The following PTAFR variants were observed in gnomAD, a reference collection of about 807,000 sequenced individuals.
PTAFR encodes the protein platelet activating factor receptor.
A neutral mutation model predicts 14.7 loss-of-function variants in PTAFR; 8 were observed. The ratio of observed to expected loss-of-function variants is 0.54; its 90% CI spans 0.32 to 0.98. PTAFR has a LOEUF of 0.98. Among genes scored for constraint, PTAFR ranks in the 50% least tolerant of loss-of-function variants. PTAFR has a pLI of 0.04. For missense variants in PTAFR, 337 were observed against 451.2 expected (o/e 0.75, Z 2.29); for synonymous variants, 156 against 176.5 (o/e 0.88, Z 0.92).
At chr1:28,157,920 A>G (rs1015460006) in intron 1 of PTAFR, among the ~76,000 whole-genome samples, 3 of 152,016 alleles carry the variant, frequency 2.0e-5, no homozygotes, top group African/African-American at 7.2e-5. Context: ...ATTAGCCACC[A>G]CGCCTGGCAA....
In PTAFR at chr1:28,165,107, A is replaced by T. The variant is rs143153020; in HGVS notation, c.-39+11485T>A. ...ATTCAAAAAAAATAACATACTTAGA[A>T]ATAAACTTAACCAGCCAGGCACGAT... On this transcript the variant is annotated intron_variant, in intron 1 of 1. Coordinates refer to ENST00000373857, the MANE Select transcript of PTAFR (RefSeq NM_000952.5). Among the ~76,000 whole-genome samples, 111 of 152,296 alleles carry T rather than the reference A, an allele frequency of 7.3e-4. No individual in the cohort carries two copies. The Middle Eastern group carries it at 0.017, about 23-fold the overall frequency.
chr1:28,170,638 A>T (rs2149001239), intron 1 of PTAFR, among the ~76,000 whole-genome samples: 1 of 152,232 alleles, frequency 6.6e-6, no homozygotes, highest in South Asian at 2.1e-4. Context: ...ACTTGGGTCC[A>T]TTACAGTAAG....
At chr1:28,180,849 G>A (rs966686567), upstream of PTAFR, among the ~76,000 whole-genome samples, 1 of 151,726 alleles carries the variant, frequency 6.6e-6, no homozygotes, top group Non-Finnish European at 1.5e-5. Flanking sequence ...TAAAGAAAAA[G>A]AGAAGAAATA....
chr1:28,150,583 C>A lies in PTAFR; in HGVS notation c.439G>T (p.Gly147Ter). 6.2e-7 allele frequency: 1 copy of A among 1,614,180 alleles called. No individual in the cohort carries two copies. The highest frequency in any genetic ancestry group is 8.5e-7 in the Non-Finnish European group (1 of 1,180,032). Residue 147 changes from glycine to a stop codon, truncating the protein, a stop_gained, in exon 2 of 2, where the codon GGA becomes TGA. Transcript: ENST00000373857. LOFTEE classifies it high-confidence loss of function. This position sits in a 1 kb window ranked among gnomAD's most constrained non-coding sequence, Gnocchi z 6.3. ...LSLVIWVAIV[G>*]AASYFLILDS... ...AGGATGAGGAAGTAGGATGCAGCTC[C>A]CACAATGGCCACCCAGATGACCAAG...
At chr1:28,192,869 A>G (rs1646665375) in intron 1 of PTAFR, among the ~76,000 whole-genome samples, 1 of 151,830 alleles carries the variant, frequency 6.6e-6, no homozygotes, top group African/African-American at 2.4e-5. Context: ...CTGGTCTCGA[A>G]CTCCCGACCT....
At position 28,171,816 on chromosome 1, in the gene PTAFR, T is replaced by G. The variant is rs566463107; in HGVS notation, c.-39+4776A>C. On this transcript the variant is annotated intron_variant, in intron 1 of 1. Coordinates refer to ENST00000373857, the MANE Select transcript of PTAFR (RefSeq NM_000952.5). ...TGAGGAGACTCAGCCTCTGCTCAGT[T>G]GGCCTAGGAAACCCCAAGTCTGGCC... Among the ~76,000 whole-genome samples, 6 of 152,188 alleles carry G rather than the reference T, an allele frequency of 3.9e-5. No homozygotes were observed. In the East Asian group the frequency reaches 1.2e-3, roughly 29 times the overall value.
At chr1:28,176,780 A>T (rs1384560060), upstream of PTAFR, 5 of 153,044 alleles carry the variant, frequency 3.3e-5, no homozygotes, top group Admixed American at 3.3e-4. Flanking sequence ...GGAACTTCCA[A>T]GCTGGGCCGC....
intron 1 of PTAFR, among the ~76,000 whole-genome samples, chr1:28,174,705 A>T (rs1646493684): frequency 6.6e-6 from 1 of 152,250 alleles, no homozygotes; most frequent in South Asian, 2.1e-4. Flanking sequence ...TATTCTAAGC[A>T]TATGCTATGT....
At chr1:28,179,394 A>C (rs1432102726), upstream of PTAFR, among the ~76,000 whole-genome samples, 1 of 152,206 alleles carries the variant, frequency 6.6e-6, no homozygotes, top group East Asian at 1.9e-4. Context: ...TTTTGAGATT[A>C]TCAATAAGCA....
chr1:28,161,604 C>T (rs1204537469), intron 1 of PTAFR, among the ~76,000 whole-genome samples: 1 of 152,036 alleles, frequency 6.6e-6, no homozygotes, highest in African/African-American at 2.4e-5. Flanking sequence ...GATTTAGTCT[C>T]CCAAAGTGCT....
chr1:28,147,242 C>T lies in PTAFR; in HGVS notation c.*2751G>A, dbSNP rs542221807. 136 of 151,954 alleles carry T rather than the reference C, an allele frequency of 9.0e-4. No individual in the cohort carries two copies. Among genetic ancestry groups the T allele is most frequent in the African/African-American group, 2.9e-3 (120 of 41,444 alleles). 9.4% of individuals were successfully genotyped at this position (151,954 alleles called of 1,614,324 possible). On this transcript the variant is annotated 3_prime_UTR_variant, in exon 2 of 2. Transcript: ENST00000373857. ...TATTGCAAAAATTTCGAGGCGGGTA[C>T]ATGAATGACTGAAATTCAGGAGACG...
intron 1 of PTAFR, among the ~76,000 whole-genome samples, chr1:28,167,935 A>C (rs1192763723): frequency 7.3e-6 from 1 of 136,732 alleles, no homozygotes; most frequent in African/African-American, 2.7e-5. Flanking sequence ...CACCACGCCC[A>C]ACTGAAAACC....
intron 1 of PTAFR, among the ~76,000 whole-genome samples, chr1:28,170,668 C>T (rs12079680): frequency 6.6e-6 from 1 of 152,064 alleles, no homozygotes. Flanking sequence ...TACCACTGCA[C>T]TCCAGCCTGG....
upstream of PTAFR, among the ~76,000 whole-genome samples, chr1:28,180,659 A>T (rs1187376968): frequency 6.6e-6 from 1 of 152,214 alleles, no homozygotes. Context: ...TATCCAGGAC[A>T]GACATACCTG....
At chr1:28,171,969 A>C (rs1646458585) in intron 1 of PTAFR, among the ~76,000 whole-genome samples, 2 of 151,976 alleles carry the variant, frequency 1.3e-5, no homozygotes, top group South Asian at 4.1e-4. Context: ...CTGCCCCAGC[A>C]CTGGGCACAT....
Position 28,149,791 on chromosome 1 carries a change from C to G in PTAFR, c.*202G>C. ...AGTTACTGTAGTATGCGCCCACAGG[C>G]GGATGAAGGGGCTCATTTGAGTTCT... On this transcript the variant is annotated 3_prime_UTR_variant, in exon 2 of 2. Coordinates refer to ENST00000373857, the MANE Select transcript of PTAFR (RefSeq NM_000952.5). The G allele has an allele frequency of 4.8e-6, 3 of 623,774 alleles. No homozygotes were observed. Among genetic ancestry groups the G allele is most frequent in the Non-Finnish European group, 8.2e-6 (3 of 366,760 alleles). The allele number at this position is 623,774 out of a possible 1,614,324, so 38.6% of individuals were successfully genotyped here. A position where few individuals can be genotyped will look rare whatever the true frequency, so the allele number is the denominator to read the frequency against.
intron 1 of PTAFR, among the ~76,000 whole-genome samples, chr1:28,183,231 C>A (rs573276860): frequency 4.0e-5 from 6 of 151,896 alleles, no homozygotes; most frequent in Non-Finnish European, 7.4e-5. Context: ...AAGTATGCAG[C>A]CTAGAAAGCT....
Position 28,185,906 on chromosome 1 carries a change from A to T in PTAFR, c.-39+7816T>A, listed in dbSNP as rs902818829. 3.9e-5 allele frequency among the ~76,000 whole-genome samples: 6 copies of T among 152,326 alleles called. 1 individual carries two copies. Among genetic ancestry groups the T allele is most frequent in the South Asian group, 2.1e-4 (1 of 4,822 alleles). ...AAGCAATTAAATAGAAAATGACATT[A>T]TTAAGAAGACACAACTTATAACAGC... On this transcript the variant is annotated intron_variant, in intron 1 of 1. Coordinates refer to the PTAFR transcript ENST00000305392.
chr1:28,179,712 G>A (rs759908380), upstream of PTAFR, among the ~76,000 whole-genome samples: 2 of 151,934 alleles, frequency 1.3e-5, no homozygotes, highest in Non-Finnish European at 2.9e-5. Context: ...GCTGATTACC[G>A]CTGGTAATCC....
Sources: allele counts gnomAD v4.1 joint callset (sites outside exome capture counted in the v4.1 genomes callset), GRCh38; gene constraint gnomAD v4.1.1; non-coding constraint Gnocchi (gnomAD v3.1); transcripts MANE v1.5; gene names NCBI Gene and HGNC (gene_info 2026-07-23, HGNC 2026-07-21).